HDAC4: variants seen among roughly 807,000 people sequenced by gnomAD.
HDAC4 encodes histone deacetylase A.
A neutral mutation model predicts 135.1 loss-of-function variants in HDAC4; 16 were observed. The ratio of observed to expected loss-of-function variants is 0.12; its 90% confidence interval spans 0.08 to 0.18. The LOEUF is 0.18. Among genes scored for constraint, HDAC4 ranks in the 10% least tolerant of loss-of-function variants. The pLI is 1.00. For synonymous variants in HDAC4, 685 were observed against 653.4 expected, an observed-to-expected ratio of 1.05 and a Z score of -0.74; for missense variants, 1,143 against 1,511.8, an observed-to-expected ratio of 0.76 and a Z score of 4.05.
upstream of HDAC4, chr2:239,401,266 C>G (rs1010552389): frequency 6.6e-6 from 1 of 152,450 alleles, no homozygotes; most frequent in Non-Finnish European, 1.5e-5. Context: ...GCTCCCACCC[C>G]TCGCCCAGCG....
chr2:239,334,712 T>C (rs139955536), intron 2 of HDAC4, among the ~76,000 whole-genome samples: 1 of 151,908 alleles, frequency 6.6e-6, no homozygotes, highest in Non-Finnish European at 1.5e-5. Context: ...CTGTTGAAAT[T>C]GAAAAGCTGA....
At chr2:239,182,361 G>T (rs2044207322) in intron 4 of HDAC4, among the ~76,000 whole-genome samples, 1 of 152,230 alleles carries the variant, frequency 6.6e-6, no homozygotes, top group Non-Finnish European at 1.5e-5. Flanking sequence ...AGAGCGGACA[G>T]ATGCAGCCTA....
At chr2:239,054,051 C>T (rs551400251) in intron 25 of HDAC4, among the ~76,000 whole-genome samples, 2 of 151,662 alleles carry the variant, frequency 1.3e-5, no homozygotes, top group African/African-American at 2.4e-5. Flanking sequence ...AGGGGTACTG[C>T]GTCAGGCGCA....
intron 25 of HDAC4, 54 bp from the exon 26 acceptor site, chr2:239,053,655 A>T: frequency 6.4e-7 from 1 of 1,562,534 alleles, no homozygotes; most frequent in Non-Finnish European, 8.8e-7. Flanking sequence ...AGCAGGATGC[A>T]CTGAGGCCCG....
At chr2:239,075,767 T>C (rs1341918722) in intron 22 of HDAC4, among the ~76,000 whole-genome samples, 1 of 152,256 alleles carries the variant, frequency 6.6e-6, no homozygotes, top group African/African-American at 2.4e-5. Context: ...AACCTGCACC[T>C]GCAGCCTGAA....
At chr2:239,123,892 C>T (rs2152839663) in intron 12 of HDAC4, among the ~76,000 whole-genome samples, 1 of 152,184 alleles carries the variant, frequency 6.6e-6, no homozygotes, top group African/African-American at 2.4e-5. Flanking sequence ...GAAAGTCTAT[C>T]TCCTCCCCAG....
At chr2:239,380,952 A>G (rs192685039) in intron 1 of HDAC4, among the ~76,000 whole-genome samples, 3 of 152,280 alleles carry the variant, frequency 2.0e-5, no homozygotes, top group African/African-American at 7.2e-5. Flanking sequence ...CGCCTCCCGG[A>G]TGCAAGGAGC....
chr2:239,341,460 T>C (rs1692294151), intron 2 of HDAC4, among the ~76,000 whole-genome samples: 1 of 152,220 alleles, frequency 6.6e-6, no homozygotes, highest in Non-Finnish European at 1.5e-5. Context: ...TCAAGAATTC[T>C]GCATCACACT....
At chr2:239,130,002 G>A (rs1025111287) in intron 11 of HDAC4, among the ~76,000 whole-genome samples, 1 of 152,224 alleles carries the variant, frequency 6.6e-6, no homozygotes, top group African/African-American at 2.4e-5. Flanking sequence ...CTGTTTAGGT[G>A]ATGAATTCAC....
intron 2 of HDAC4, among the ~76,000 whole-genome samples, chr2:239,301,181 G>A (rs983933524): frequency 9.9e-5 from 15 of 152,202 alleles, no homozygotes; most frequent in Admixed American, 5.9e-4. Context: ...CCCTTACTCA[G>A]CGGCAGAAGG....
chr2:239,154,353 C>T (rs950419479), intron 7 of HDAC4, among the ~76,000 whole-genome samples: 4 of 152,070 alleles, frequency 2.6e-5, no homozygotes, highest in Non-Finnish European at 5.9e-5. Context: ...ATGCCACAGC[C>T]GTGAGGATGT....
intron 1 of HDAC4, among the ~76,000 whole-genome samples, chr2:239,370,263 C>T (rs1004456979): frequency 4.6e-5 from 7 of 152,158 alleles, no homozygotes; most frequent in African/African-American, 1.2e-4. Flanking sequence ...CAAAATGCTG[C>T]GCTGAGGGAG....
chr2:239,064,814 G>A (rs1349167492), intron 24 of HDAC4, among the ~76,000 whole-genome samples: 1 of 152,104 alleles, frequency 6.6e-6, no homozygotes, highest in Non-Finnish European at 1.5e-5. Context: ...CAGCACCCAC[G>A]CCCATGTGCA....
At chr2:239,119,766 C>A (rs72998201) in intron 12 of HDAC4, among the ~76,000 whole-genome samples, 2 of 152,134 alleles carry the variant, frequency 1.3e-5, no homozygotes, top group East Asian at 3.9e-4. Context: ...GGAGAGGCTG[C>A]GGGTCTCTCC....
chr2:239,123,586 G>A (rs546092209), intron 12 of HDAC4, among the ~76,000 whole-genome samples: 1 of 152,372 alleles, frequency 6.6e-6, no homozygotes, highest in South Asian at 2.1e-4. Flanking sequence ...GCCACAGCCG[G>A]CTGCCATCTC....
chr2:239,189,867 C>A lies in HDAC4; in HGVS notation c.305G>T (p.Arg102Leu). The part of the protein sequence containing the change: ...EFQRQHEQLS[R>L]QHEAQLHEHI... ...CTCGTGGAGCTGCGCCTCGTGCTGC[C>A]GGGAGAGCTGCTCGTGCTGCCTCTG... The change falls in exon 4 of 27, where the codon CGG (arginine) becomes CTG (leucine). Residue 102 changes from arginine to leucine, a missense_variant. Coordinates refer to ENST00000543185, the MANE Select transcript of HDAC4 (RefSeq NM_001378414.1). 1 of 1,609,518 alleles carries A rather than the reference C, an allele frequency of 6.2e-7. No homozygotes were observed. The highest frequency in any genetic ancestry group is 8.5e-7 in the Non-Finnish European group (1 of 1,179,818).
At chr2:239,193,863 C>T (rs886543408) in intron 3 of HDAC4, among the ~76,000 whole-genome samples, 1 of 152,244 alleles carries the variant, frequency 6.6e-6, no homozygotes, top group African/African-American at 2.4e-5. Flanking sequence ...AACCCAAGTT[C>T]ATGTTTGCTC....
At chr2:239,178,707 T>A (rs993778585) in intron 4 of HDAC4, among the ~76,000 whole-genome samples, 9 of 152,160 alleles carry the variant, frequency 5.9e-5, no homozygotes, top group African/African-American at 2.2e-4. Flanking sequence ...TTTTTGTTGG[T>A]CTTGCTCCCC....
At chr2:239,157,864 G>A (rs1398635322) in intron 6 of HDAC4, among the ~76,000 whole-genome samples, 1 of 152,188 alleles carries the variant, frequency 6.6e-6, no homozygotes, top group Admixed American at 6.5e-5. Flanking sequence ...CAAAATTGAG[G>A]AGCCGAGCCC....
Sources: gnomAD v4.1 joint callset for allele counts (sites outside exome capture counted in the v4.1 genomes callset) on GRCh38, gnomAD v4.1.1 for gene constraint, MANE v1.5 for transcripts, NCBI Gene and HGNC (gene_info 2026-07-23, HGNC 2026-07-21) for gene names.